Variants in ZNF461 observed in about 807,000 individuals in gnomAD.
ZNF461 encodes zinc finger protein 461.
A neutral mutation model predicts 18.3 loss-of-function variants in ZNF461; 16 were observed. The ratio of observed to expected loss-of-function variants is 0.88; its 90% CI spans 0.59 to 1.33. The LOEUF (loss-of-function observed/expected upper bound fraction) is 1.33. Ranked by LOEUF, ZNF461 falls within the 40% of genes most tolerant of loss-of-function variation. The pLI is 0.00. For missense variants in ZNF461, 595 were observed against 669.9 expected, an observed-to-expected ratio of 0.89 and a Z score of 1.23; for synonymous variants, 179 against 216.9, an observed-to-expected ratio of 0.83 and a Z score of 1.54.
intron 2 of ZNF461, among the ~76,000 whole-genome samples, chr19:36,659,669 A>G (rs907015194): frequency 2.0e-5 from 3 of 152,082 alleles, no homozygotes; most frequent in Non-Finnish European, 1.5e-5. Flanking sequence ...TACATATTCC[A>G]TTGTTTTGCA....
intron 4 of ZNF461, among the ~76,000 whole-genome samples, chr19:36,654,623 T>G (rs1472259736): frequency 6.6e-6 from 1 of 151,914 alleles, no homozygotes; most frequent in Admixed American, 6.6e-5. Context: ...CCTTCCACCT[T>G]GGCCACCCAA....
intron 4 of ZNF461, among the ~76,000 whole-genome samples, chr19:36,650,003 C>A (rs138440927): frequency 6.6e-6 from 1 of 151,840 alleles, no homozygotes; most frequent in Non-Finnish European, 1.5e-5. Context: ...GGTGAAACCC[C>A]GTCCCTACTA....
At position 36,638,999 on chromosome 19, in the gene ZNF461, G is replaced by A. The variant is rs780785819; in HGVS notation, c.1346C>T (p.Thr449Ile). 1 of 1,614,050 alleles carries A rather than the reference G, an allele frequency of 6.2e-7. No individual in the cohort carries two copies. The highest frequency in any genetic ancestry group is 8.5e-7 in the Non-Finnish European group (1 of 1,180,008). ...TTTGAGGTGTGAACACTGTCTAAAA[G>A]TCTTCCCACATTCCTTACACTCATA... Reference protein sequence around the residue: ...KPYECKECGKTFRQCSHLKRH... With the variant: ...KPYECKECGKIFRQCSHLKRH... The change falls in exon 6 of 6, where the codon ACT becomes ATT. Residue 449 changes from threonine to isoleucine, a missense_variant. Coordinates refer to ENST00000588268, the MANE Select transcript of ZNF461 (RefSeq NM_153257.5).
chr19:36,638,730 A>C lies in ZNF461; in HGVS notation c.1615T>G (p.Leu539Val). Residue 539 changes from leucine to valine, a missense_variant, in exon 6 of 6, where the codon TTA becomes GTA. Leu to Val is a conservative substitution (Grantham distance 32). Coordinates refer to ENST00000588268, the MANE Select transcript of ZNF461 (RefSeq NM_153257.5). ...KAFNHRLQLN[L>V]HQTLHTGEKP... ...TCGCCAGTATGAAGAGTCTGATGTAAGTTAAGTTGTAATCTATGATTAAAC... is the reference window on the plus strand; with the variant it reads ...TCGCCAGTATGAAGAGTCTGATGTACGTTAAGTTGTAATCTATGATTAAAC... The C allele has an allele frequency of 6.2e-7, 1 of 1,613,966 alleles. No homozygotes were observed. Among genetic ancestry groups the C allele is most frequent in the Non-Finnish European group, 8.5e-7 (1 of 1,179,892 alleles).
chr19:36,647,717 C>A (rs1191286019), intron 4 of ZNF461, among the ~76,000 whole-genome samples: 1 of 152,026 alleles, frequency 6.6e-6, no homozygotes, highest in Non-Finnish European at 1.5e-5. Flanking sequence ...TGATATAGCT[C>A]GGATATGTGT....
At chr19:36,649,763 C>T (rs998551233) in intron 4 of ZNF461, among the ~76,000 whole-genome samples, 2 of 152,194 alleles carry the variant, frequency 1.3e-5, no homozygotes, top group African/African-American at 2.4e-5. Flanking sequence ...AAAAAAGAAG[C>T]ATGTCAGGTA....
intron 4 of ZNF461, among the ~76,000 whole-genome samples, chr19:36,644,444 T>A (rs1394901301): frequency 6.7e-6 from 1 of 149,818 alleles, no homozygotes; most frequent in African/African-American, 2.5e-5. Context: ...AATTTTTGTA[T>A]TTTTAGTAGA....
chr19:36,646,844 C>T (rs568929531), intron 4 of ZNF461, among the ~76,000 whole-genome samples: 5 of 152,190 alleles, frequency 3.3e-5, no homozygotes, highest in Non-Finnish European at 7.4e-5. Context: ...TTTATGTTAA[C>T]ATATAGTTTA....
Position 36,656,438 on chromosome 19 carries a change from G to A in ZNF461, c.232+10C>T, listed in dbSNP as rs1406169566. 5 of 1,611,170 alleles carry A rather than the reference G, an allele frequency of 3.1e-6. No homozygotes were observed. The highest frequency in any genetic ancestry group is 1.7e-5 in the Admixed American group (1 of 59,998). On this transcript the variant is annotated intron_variant, in intron 4 of 5. Transcript: ENST00000588268. ...CTCTCTGCAAGAGCTTCCTGTGCTT[G>A]CTCACTCACCTGGGCACCATCTTCC...
intron 1 of ZNF461, among the ~76,000 whole-genome samples, chr19:36,665,708 C>CAAAAA (rs750223990): frequency 1.3e-5 from 1 of 77,870 alleles, no homozygotes; most frequent in Non-Finnish European, 2.5e-5. Flanking sequence ...AACTTCGTCT[C>CAAAAA]AAAAAAAAAA....
intron 4 of ZNF461, among the ~76,000 whole-genome samples, chr19:36,647,852 CATG>C (rs2037555608): frequency 6.6e-6 from 1 of 151,968 alleles, no homozygotes; most frequent in South Asian, 2.1e-4. Flanking sequence ...GTGCTATCCT[CATG>C]ATGGTGAGTG....
intron 4 of ZNF461, among the ~76,000 whole-genome samples, chr19:36,654,544 T>C (rs766330063): frequency 6.6e-6 from 1 of 151,846 alleles, no homozygotes. Flanking sequence ...ATTTTTTTTT[T>C]TCTTTTTGGT....
intron 4 of ZNF461, among the ~76,000 whole-genome samples, chr19:36,651,525 A>T (rs1323815408): frequency 6.6e-6 from 1 of 152,164 alleles, no homozygotes; most frequent in Non-Finnish European, 1.5e-5. Context: ...ATCACAAAAT[A>T]TAGGATTAAT....
intron 4 of ZNF461, among the ~76,000 whole-genome samples, chr19:36,646,083 A>C (rs980138283): frequency 1.3e-5 from 2 of 151,786 alleles, no homozygotes; most frequent in Non-Finnish European, 2.9e-5. Flanking sequence ...GTGCCTGGCC[A>C]GATTTTGACT....
chr19:36,664,769 A>T lies in ZNF461; in HGVS notation c.-63T>A. The T allele has an allele frequency of 7.6e-7, 1 of 1,311,782 alleles. No homozygotes were observed. Among genetic ancestry groups the T allele is most frequent in the Non-Finnish European group, 1.0e-6 (1 of 989,862 alleles). 81.3% of individuals were successfully genotyped at this position (1,311,782 alleles called of 1,614,324 possible). A position where few individuals can be genotyped will look rare whatever the true frequency, so the allele number is the denominator to read the frequency against. On this transcript the variant is annotated 5_prime_UTR_variant, in exon 2 of 6. It removes the in-frame stop codon of an upstream open reading frame in the 5' UTR. Coordinates refer to ENST00000588268, the MANE Select transcript of ZNF461 (RefSeq NM_153257.5). ...TCTTCGTTCCCTCTGGAAGAAACTC[A>T]ATCCAAAGAAGGTGTTGCTGGGAGA...
At chr19:36,650,511 A>G (rs780440423) in intron 4 of ZNF461, among the ~76,000 whole-genome samples, 5 of 152,174 alleles carry the variant, frequency 3.3e-5, no homozygotes, top group Non-Finnish European at 5.9e-5. Context: ...TTTACTAAAC[A>G]TTCATGTGAT....
Position 36,637,756 on chromosome 19 carries a change from A to G in ZNF461, c.*897T>C, listed in dbSNP as rs2037324731. On this transcript the variant is annotated 3_prime_UTR_variant, in exon 6 of 6. Coordinates refer to ENST00000588268, the MANE Select transcript of ZNF461 (RefSeq NM_153257.5). ...GTGTAATAAATCACATATTATGAAT[A>G]ACCTACTTTTGTCCAAAGAATTTAT... The G allele has an allele frequency of 7.6e-6, 3 of 394,940 alleles. No individual in the cohort carries two copies. The highest frequency in any genetic ancestry group is 1.5e-5 in the Non-Finnish European group (3 of 203,230). The allele number at this position is 394,940 out of a possible 1,614,324, so 24.5% of individuals were successfully genotyped here.
At chr19:36,651,461 T>C (rs943045992) in intron 4 of ZNF461, among the ~76,000 whole-genome samples, 1 of 151,914 alleles carries the variant, frequency 6.6e-6, no homozygotes, top group South Asian at 2.1e-4. Context: ...AATTTGTTTA[T>C]AAGTAGGAAT....
In ZNF461 at chr19:36,639,358, A is replaced by G. The variant is rs749363058; in HGVS notation, c.987T>C (p.Tyr329=). 6.2e-7 allele frequency: 1 copy of G among 1,614,112 alleles called. No individual in the cohort carries two copies. Among genetic ancestry groups the G allele is most frequent in the Non-Finnish European group, 8.5e-7 (1 of 1,180,012 alleles). Residue 329 remains tyrosine (Y), a synonymous_variant, in exon 6 of 6, where the codon TAT becomes TAC. Coordinates refer to ENST00000588268, the MANE Select transcript of ZNF461 (RefSeq NM_153257.5). ...HQRLHTGEKP[Y]ECKQCGKAFI... ...AAGCCTTCCCACATTGCTTACATTC[A>G]TAGGGTTTTTCACCAGTATGAAGTC...
Sources: gnomAD v4.1 joint callset for allele counts (sites outside exome capture counted in the v4.1 genomes callset) on GRCh38, gnomAD v4.1.1 for gene constraint, MANE v1.5 for transcripts, NCBI Gene and HGNC (gene_info 2026-07-23, HGNC 2026-07-21) for gene names.